The following BTBD9 variants were observed in gnomAD, a reference collection of about 807,000 sequenced individuals.
The protein encoded by BTBD9 is BTB domain containing 9.
BTBD9 carries 49 observed loss-of-function variants against 64.3 expected under a neutral mutation model. The ratio of observed to expected loss-of-function variants is 0.76; its 90% CI spans 0.61 to 0.97. BTBD9 has a LOEUF of 0.97. BTBD9 is among the 50% of genes least tolerant of loss of function. The pLI, the probability that BTBD9 is intolerant of heterozygous loss-of-function variation, is 0.00. For synonymous variants in BTBD9, 260 were observed against 274.7 expected (o/e 0.95, Z 0.53); for missense variants, 598 against 762.1 (o/e 0.78, Z 2.53).
chr6:38,615,058 CCT>C (rs1269071435), intron 1 of BTBD9, among the ~76,000 whole-genome samples: 4 of 152,172 alleles, frequency 2.6e-5, no homozygotes, highest in African/African-American at 9.7e-5. Flanking sequence ...AATCATTCCC[CCT>C]GACTTTCCCT....
chr6:38,179,583 C>G, intron 10 of BTBD9: 1 of 456,746 alleles, frequency 2.2e-6, no homozygotes, highest in Non-Finnish European at 4.4e-6. Context: ...CAGCGCAGCT[C>G]CTGCCCTCAG....
intron 1 of BTBD9, among the ~76,000 whole-genome samples, chr6:38,610,512 G>A (rs1777580153): frequency 6.6e-6 from 1 of 152,154 alleles, no homozygotes; most frequent in Non-Finnish European, 1.5e-5. Context: ...TAGCAACAGA[G>A]AAGAGACAGA....
intron 8 of BTBD9, among the ~76,000 whole-genome samples, chr6:38,269,478 A>C (rs1369931642): frequency 1.3e-5 from 2 of 152,204 alleles, no homozygotes; most frequent in Non-Finnish European, 1.5e-5. Flanking sequence ...TGGGATCACA[A>C]GTTTTAATTC....
chr6:38,604,240 A>G (rs1777350508), intron 1 of BTBD9, among the ~76,000 whole-genome samples: 1 of 152,230 alleles, frequency 6.6e-6, no homozygotes, highest in African/African-American at 2.4e-5. Flanking sequence ...TTGAATGTCC[A>G]GTTAAGCTCC....
chr6:38,370,949 C>T (rs1765397271), intron 6 of BTBD9, among the ~76,000 whole-genome samples: 1 of 152,136 alleles, frequency 6.6e-6, no homozygotes, highest in South Asian at 2.1e-4. Context: ...ATGAGACTGC[C>T]TTAGATTTCA....
intron 6 of BTBD9, among the ~76,000 whole-genome samples, chr6:38,443,545 C>T (rs914235083): frequency 2.0e-5 from 3 of 152,208 alleles, no homozygotes; most frequent in African/African-American, 7.2e-5. Flanking sequence ...AAAATAGCTT[C>T]TCCACCATTC....
At chr6:38,236,578 T>A (rs1582093727) in intron 9 of BTBD9, among the ~76,000 whole-genome samples, 1 of 152,118 alleles carries the variant, frequency 6.6e-6, no homozygotes, top group East Asian at 1.9e-4. Flanking sequence ...AGTAAAAGGG[T>A]CACAAGAACT....
Position 38,354,090 on chromosome 6 carries a change from A to G in BTBD9, c.1155-8997T>C, listed in dbSNP as rs997994491. 4.6e-5 allele frequency among the ~76,000 whole-genome samples: 7 copies of G among 152,316 alleles called. No homozygotes were observed. The East Asian group carries it at 1.3e-3, about 29-fold the overall frequency. Reference sequence around the variant, plus strand: ...TTAGTCTCTCCCCAAAGAAAAATCTAAGAATACTTCTAAGAATGTAAACAT... The same window carrying G: ...TTAGTCTCTCCCCAAAGAAAAATCTGAGAATACTTCTAAGAATGTAAACAT... On this transcript the variant is annotated intron_variant, in intron 6 of 10. Transcript: ENST00000481247.
chr6:38,601,552 G>A (rs1777239676), intron 1 of BTBD9, among the ~76,000 whole-genome samples: 1 of 152,118 alleles, frequency 6.6e-6, no homozygotes, highest in East Asian at 1.9e-4. Context: ...CAGGCATGGT[G>A]GCATGAGCCT....
At chr6:38,562,190 A>T (rs1775291647) in intron 6 of BTBD9, among the ~76,000 whole-genome samples, 1 of 152,232 alleles carries the variant, frequency 6.6e-6, no homozygotes, top group Non-Finnish European at 1.5e-5. Context: ...AAGTCATCAC[A>T]ATACGAAAAT....
chr6:38,204,879 C>A (rs1322505311), intron 9 of BTBD9, among the ~76,000 whole-genome samples: 1 of 151,678 alleles, frequency 6.6e-6, no homozygotes, highest in Non-Finnish European at 1.5e-5. Context: ...TAAAAGGAAG[C>A]ATTATTACAT....
At chr6:38,258,299 T>A (rs930299401) in intron 8 of BTBD9, among the ~76,000 whole-genome samples, 5 of 152,130 alleles carry the variant, frequency 3.3e-5, no homozygotes, top group Admixed American at 6.5e-5. Context: ...AAAATAATTT[T>A]AAAAAATAAT....
chr6:38,437,900 G>A (rs1768811844), intron 6 of BTBD9, among the ~76,000 whole-genome samples: 1 of 152,006 alleles, frequency 6.6e-6, no homozygotes, highest in South Asian at 2.1e-4. Context: ...AAAGGAAAAG[G>A]AAAGTAACCT....
intron 6 of BTBD9, among the ~76,000 whole-genome samples, chr6:38,371,195 T>A (rs1016984431): frequency 6.6e-6 from 1 of 152,186 alleles, no homozygotes; most frequent in Non-Finnish European, 1.5e-5. Context: ...CTCAGCAGTA[T>A]TAGTTTACTG....
At chr6:38,582,667 T>C (rs1407163084) in intron 4 of BTBD9, among the ~76,000 whole-genome samples, 2 of 152,086 alleles carry the variant, frequency 1.3e-5, no homozygotes, top group African/African-American at 4.8e-5. Flanking sequence ...AATAGTATGA[T>C]ATAGGGGAAA....
intron 6 of BTBD9, among the ~76,000 whole-genome samples, chr6:38,529,490 C>T (rs1773681388): frequency 6.6e-6 from 1 of 152,222 alleles, no homozygotes; most frequent in African/African-American, 2.4e-5. Flanking sequence ...CAAGCCCAGA[C>T]TGCAAAGACT....
intron 6 of BTBD9, among the ~76,000 whole-genome samples, chr6:38,549,746 T>C (rs1225139382): frequency 6.6e-6 from 1 of 152,186 alleles, no homozygotes; most frequent in Non-Finnish European, 1.5e-5. Flanking sequence ...TAGTTGTCTA[T>C]ACATGCTGTT....
rs575193731 is a variant in BTBD9, at chr6:38,461,801, A to G, written c.1154+115799T>C. Among the ~76,000 whole-genome samples, 6 of 152,344 alleles carry G rather than the reference A, an allele frequency of 3.9e-5. No homozygotes were observed. In the East Asian group the frequency reaches 1.2e-3, roughly 29 times the overall value. ...CACCAACAGAGCAGCAGAGTGTTAG[A>G]GTTACAGTTCCTTCACATCCTCTCC... is the stretch of plus-strand genomic sequence containing the variant. On this transcript the variant is annotated intron_variant, in intron 6 of 10. Transcript: ENST00000481247.
chr6:38,561,327 GGGAA>G (rs145437542), intron 6 of BTBD9, among the ~76,000 whole-genome samples: 32,036 of 152,028 alleles, frequency 0.21, 3,715 homozygotes, highest in Non-Finnish European at 0.29. Flanking sequence ...CGGAAAAACA[GGGAA>G]GGATTATATA....
Sources: gnomAD v4.1 joint callset for allele counts (sites outside exome capture counted in the v4.1 genomes callset) on GRCh38, gnomAD v4.1.1 for gene constraint, MANE v1.5 for transcripts, NCBI Gene and HGNC (gene_info 2026-07-23, HGNC 2026-07-21) for gene names.